Variants in KDM4C observed in about 807,000 individuals in gnomAD.
KDM4C encodes the protein lysine demethylase 4C.
Under a neutral mutation model 129.3 loss-of-function variants are expected in KDM4C, and 81 were observed. The ratio of observed to expected loss-of-function variants is 0.63; its 90% CI spans 0.52 to 0.75. KDM4C has a LOEUF of 0.75. KDM4C is among the 30% of genes least tolerant of loss of function. The pLI, the probability that KDM4C is intolerant of heterozygous loss-of-function variation, is 0.00. For synonymous variants in KDM4C, 573 were observed against 456.1 expected, an observed-to-expected ratio of 1.26 and a Z score of -3.26; for missense variants, 1,457 against 1,304.0, an observed-to-expected ratio of 1.12 and a Z score of -1.81.
intron 17 of KDM4C, among the ~76,000 whole-genome samples, chr9:7,063,023 C>G (rs1214731381): frequency 6.6e-6 from 1 of 152,198 alleles, no homozygotes; most frequent in East Asian, 1.9e-4. Flanking sequence ...TGTATAAATA[C>G]ACTTTAATTT....
At chr9:7,021,557 T>A (rs976580627) in intron 15 of KDM4C, among the ~76,000 whole-genome samples, 3 of 152,344 alleles carry the variant, frequency 2.0e-5, no homozygotes, top group South Asian at 4.1e-4. Flanking sequence ...ATATTCTAGT[T>A]ATTACTCCTT....
intron 1 of KDM4C, chr9:6,726,360 A>G (rs1186030495): frequency 1.3e-5 from 2 of 152,254 alleles, no homozygotes; most frequent in African/African-American, 2.4e-5. Context: ...AATCTCTAAT[A>G]GTTTGTGTCC....
chr9:6,907,482 C>A (rs188509739), intron 8 of KDM4C, among the ~76,000 whole-genome samples: 1 of 152,124 alleles, frequency 6.6e-6, no homozygotes, highest in African/African-American at 2.4e-5. Flanking sequence ...GGACCAATGT[C>A]TAAATGCATC....
At chr9:7,160,893 A>G (rs149078279) in intron 19 of KDM4C, among the ~76,000 whole-genome samples, 28 of 152,306 alleles carry the variant, frequency 1.8e-4, no homozygotes, top group Non-Finnish European at 3.4e-4. Flanking sequence ...TTAAGTCTGC[A>G]GAAGTTGTCT....
At chr9:7,000,443 A>C (rs1424270976) in intron 12 of KDM4C, among the ~76,000 whole-genome samples, 1 of 152,212 alleles carries the variant, frequency 6.6e-6, no homozygotes, top group East Asian at 1.9e-4. Context: ...AGATTGTAAG[A>C]TGATAAGAAA....
intron 11 of KDM4C, 34 bp from the exon 12 acceptor site, chr9:6,990,382 T>A: frequency 7.7e-7 from 1 of 1,305,430 alleles, no homozygotes; most frequent in African/African-American, 1.5e-5. Context: ...TTTTTGATAA[T>A]GGTATTTCTC....
At chr9:6,867,813 A>G (rs1002552933) in intron 5 of KDM4C, among the ~76,000 whole-genome samples, 4 of 152,190 alleles carry the variant, frequency 2.6e-5, no homozygotes, top group Non-Finnish European at 5.9e-5. Context: ...TTGACACACA[A>G]AGCTTTTAGC....
At chr9:7,084,416 A>G (rs1255982971) in intron 17 of KDM4C, among the ~76,000 whole-genome samples, 1 of 152,238 alleles carries the variant, frequency 6.6e-6, no homozygotes, top group African/African-American at 2.4e-5. Flanking sequence ...AACATGAATG[A>G]TAGATAGTCT....
intron 1 of KDM4C, among the ~76,000 whole-genome samples, chr9:6,787,146 G>A (rs1318598587): frequency 6.6e-6 from 1 of 152,190 alleles, no homozygotes; most frequent in African/African-American, 2.4e-5. Flanking sequence ...AGCAAACTAG[G>A]TCAAGGTCTA....
At chr9:7,047,301 A>G (rs112113601) in intron 16 of KDM4C, among the ~76,000 whole-genome samples, 334 of 152,200 alleles carry the variant, frequency 2.2e-3, no homozygotes, top group South Asian at 0.017. Context: ...CTTCAGATAA[A>G]TCAGTCATAG....
chr9:7,044,012 G>A (rs780433786), intron 15 of KDM4C, among the ~76,000 whole-genome samples: 15 of 151,930 alleles, frequency 9.9e-5, no homozygotes, highest in Non-Finnish European at 1.8e-4. Flanking sequence ...AATAGAGTAA[G>A]AGCAATTAAC....
At position 6,864,294 on chromosome 9, in the gene KDM4C, C is replaced by G. The variant is rs144296898; in HGVS notation, c.629+14594C>G. On this transcript the variant is annotated intron_variant, in intron 5 of 21. Coordinates refer to ENST00000381309, the MANE Select transcript of KDM4C (RefSeq NM_015061.6). ...GTTTCAGTATTCTTGGATGACAATC[C>G]CCATTTTTCAGCACTTTGAAAATGC... 2.4e-3 allele frequency among the ~76,000 whole-genome samples: 364 copies of G among 152,194 alleles called. 4 individuals carry two copies. The highest frequency in any genetic ancestry group is 8.5e-3 in the African/African-American group (355 of 41,532).
chr9:7,058,084 C>G (rs1295906213), intron 17 of KDM4C, among the ~76,000 whole-genome samples: 2 of 152,144 alleles, frequency 1.3e-5, no homozygotes, highest in African/African-American at 4.8e-5. Context: ...TCTCCACCTT[C>G]TTGTAGAGGA....
intron 5 of KDM4C, among the ~76,000 whole-genome samples, chr9:6,868,749 G>A (rs1472714268): frequency 6.6e-6 from 1 of 152,074 alleles, no homozygotes; most frequent in Non-Finnish European, 1.5e-5. Context: ...GGGACTCTCG[G>A]TGTGGAGGGC....
chr9:6,739,115 TA>T (rs1202387594), intron 1 of KDM4C, among the ~76,000 whole-genome samples: 1 of 152,026 alleles, frequency 6.6e-6, no homozygotes, highest in Non-Finnish European at 1.5e-5. Flanking sequence ...CTCTGTCACC[TA>T]AATTGGAGTG....
At chr9:6,988,054 C>T (rs1302623830) in intron 11 of KDM4C, among the ~76,000 whole-genome samples, 1 of 146,996 alleles carries the variant, frequency 6.8e-6, no homozygotes, top group African/African-American at 2.5e-5. Flanking sequence ...ACTAGGGAGG[C>T]TAAGGTAGGA....
intron 1 of KDM4C, among the ~76,000 whole-genome samples, chr9:6,759,475 T>C (rs1364365070): frequency 2.0e-5 from 3 of 152,184 alleles, no homozygotes; most frequent in Admixed American, 6.6e-5. Context: ...AACCCGCCCA[T>C]AGTTTGTTTT....
intron 12 of KDM4C, among the ~76,000 whole-genome samples, chr9:6,998,957 G>T (rs1820275957): frequency 6.6e-6 from 1 of 152,152 alleles, no homozygotes; most frequent in Admixed American, 6.5e-5. Context: ...CATCGCCTGG[G>T]ATTTCCCGTG....
intron 1 of KDM4C, among the ~76,000 whole-genome samples, chr9:6,765,540 C>G (rs907664335): frequency 6.6e-6 from 1 of 152,068 alleles, no homozygotes; most frequent in African/African-American, 2.4e-5. Context: ...GGGCAGAGAC[C>G]AAGTATTTTT....
Sources: allele counts gnomAD v4.1 joint callset (sites outside exome capture counted in the v4.1 genomes callset), GRCh38; gene constraint gnomAD v4.1.1; transcripts MANE v1.5; gene names NCBI Gene and HGNC (gene_info 2026-07-23, HGNC 2026-07-21).